RSPRY1: variants seen among roughly 807,000 people sequenced by gnomAD.
The protein encoded by RSPRY1 is ring finger and SPRY domain containing 1.
RSPRY1 carries 23 observed loss-of-function variants against 73.1 expected under a neutral mutation model. That is an observed-to-expected ratio of 0.31 (90% CI 0.23 to 0.45). The LOEUF is 0.45. RSPRY1 is among the 20% of genes least tolerant of loss of function. RSPRY1 has a pLI of 1.00. For synonymous variants in RSPRY1, 226 were observed against 251.4 expected, an observed-to-expected ratio of 0.90 and a Z score of 0.95; for missense variants, 448 against 698.7, an observed-to-expected ratio of 0.64 and a Z score of 4.05.
At chr16:57,187,072 G>T (rs1418899241) in intron 1 of RSPRY1, 1 of 152,262 alleles carries the variant, frequency 6.6e-6, no homozygotes, top group Non-Finnish European at 1.5e-5. Flanking sequence ...GGGGAGAGGG[G>T]ATTTCTGGGC....
At chr16:57,193,446 A>G (rs571732042) in intron 1 of RSPRY1, among the ~76,000 whole-genome samples, 6 of 151,286 alleles carry the variant, frequency 4.0e-5, no homozygotes, top group African/African-American at 1.5e-4. Flanking sequence ...CTATTTAAAC[A>G]CAATCTTCAG....
chr16:57,213,224 C>A, intron 5 of RSPRY1, 126 bp downstream of exon 5: 1 of 876,174 alleles, frequency 1.1e-6, no homozygotes, highest in Non-Finnish European at 1.6e-6. Context: ...TATTGAGAGA[C>A]ATAGACTAAC....
At position 57,230,773 on chromosome 16, in the gene RSPRY1, A is replaced by C. The variant is rs1043599438; in HGVS notation, c.1336A>C (p.Asn446His). The change falls in exon 12 of 15, where the codon AAC becomes CAC. Residue 446 changes from asparagine (N) to histidine (H), a missense_variant. Asn to His is a moderately conservative substitution (Grantham distance 68). Transcript: ENST00000394420. ...EKQMIFFLNG[N>H]QLPPEKQVFS... ...GCAAATGATCTTCTTTTTAAATGGC[A>C]ACCAGCTGCCTCCTGAAAAGCAAGT... 1 of 1,612,468 alleles carries C rather than the reference A, an allele frequency of 6.2e-7. No homozygotes were observed. The highest frequency in any genetic ancestry group is 1.3e-5 in the African/African-American group (1 of 75,042).
intron 8 of RSPRY1, among the ~76,000 whole-genome samples, chr16:57,217,474 A>C (rs1462605534): frequency 6.6e-6 from 1 of 152,136 alleles, no homozygotes; most frequent in East Asian, 1.9e-4. Flanking sequence ...CATCATGAGA[A>C]TTGTTCCTGA....
intron 14 of RSPRY1, among the ~76,000 whole-genome samples, chr16:57,236,264 T>C (rs1470753141): frequency 6.6e-6 from 1 of 152,240 alleles, no homozygotes; most frequent in African/African-American, 2.4e-5. Context: ...CTTTGAGCTC[T>C]CTGGTCCTGT....
At chr16:57,229,914 C>T (rs2075184304) in intron 11 of RSPRY1, among the ~76,000 whole-genome samples, 1 of 149,982 alleles carries the variant, frequency 6.7e-6, no homozygotes, top group African/African-American at 2.5e-5. Flanking sequence ...ACCATGTTGG[C>T]TGTGCTGGTC....
chr16:57,205,540 A>T lies in RSPRY1; in HGVS notation c.350+532A>T, dbSNP rs187550501. Among the ~76,000 whole-genome samples, 18 of 152,358 alleles carry T rather than the reference A, an allele frequency of 1.2e-4. No homozygotes were observed. In the East Asian group the frequency reaches 3.3e-3, roughly 28 times the overall value. ...AGCTTGTCAGTTGATACTGCAAGGCACACCTGTACCTGTTTTGTCTTTTCC... is the reference window on the plus strand; with the variant it reads ...AGCTTGTCAGTTGATACTGCAAGGCTCACCTGTACCTGTTTTGTCTTTTCC... On this transcript the variant is annotated intron_variant, in intron 2 of 14. Coordinates refer to ENST00000394420, the MANE Select transcript of RSPRY1 (RefSeq NM_133368.3).
intron 1 of RSPRY1, among the ~76,000 whole-genome samples, chr16:57,191,034 C>G (rs1017704008): frequency 6.6e-6 from 1 of 152,166 alleles, no homozygotes; most frequent in Admixed American, 6.5e-5. Context: ...ACATAGCTTT[C>G]TTGTTGCTTG....
At chr16:57,231,594 A>G (rs1224650502) in intron 13 of RSPRY1, among the ~76,000 whole-genome samples, 1 of 152,224 alleles carries the variant, frequency 6.6e-6, no homozygotes, top group African/African-American at 2.4e-5. Context: ...ATTGTTATTT[A>G]AAATGTTACC....
At chr16:57,229,444 C>T (rs1450439191) in intron 11 of RSPRY1, among the ~76,000 whole-genome samples, 2 of 151,876 alleles carry the variant, frequency 1.3e-5, no homozygotes, top group Admixed American at 1.3e-4. Context: ...ATGAGACCCC[C>T]CATCTCTATA....
chr16:57,209,676 T>C (rs1410626055), intron 4 of RSPRY1, among the ~76,000 whole-genome samples: 1 of 151,966 alleles, frequency 6.6e-6, no homozygotes, highest in Non-Finnish European at 1.5e-5. Context: ...CCTCTGTCTT[T>C]TTATTTATTT....
chr16:57,213,355 G>A (rs901844847), intron 5 of RSPRY1, among the ~76,000 whole-genome samples: 3 of 151,860 alleles, frequency 2.0e-5, no homozygotes, highest in African/African-American at 7.3e-5. Flanking sequence ...AAGGAGCGAG[G>A]AAAAGAAAAA....
chr16:57,220,535 A>T (rs1411391625), intron 8 of RSPRY1, 197 bp from the exon 9 acceptor site: 1 of 356,210 alleles, frequency 2.8e-6, no homozygotes, highest in Non-Finnish European at 5.2e-6. Flanking sequence ...TTTAGTTCTA[A>T]TAGTTTTTGG....
At chr16:57,202,396 A>C (rs1443494824) in intron 1 of RSPRY1, among the ~76,000 whole-genome samples, 2 of 152,148 alleles carry the variant, frequency 1.3e-5, no homozygotes, top group African/African-American at 4.8e-5. Flanking sequence ...AAACCAGCAT[A>C]ATTTATAAGA....
intron 3 of RSPRY1, among the ~76,000 whole-genome samples, chr16:57,208,401 T>TATATA (rs1491130630): frequency 7.4e-3 from 270 of 36,594 alleles, no homozygotes; most frequent in African/African-American, 0.031. Context: ...TATATATATA[T>TATATA]TTTTTTTTTT....
At chr16:57,203,089 T>G (rs2146236647) in intron 1 of RSPRY1, among the ~76,000 whole-genome samples, 1 of 152,072 alleles carries the variant, frequency 6.6e-6, no homozygotes, top group African/African-American at 2.4e-5. Context: ...GCAGATAGCC[T>G]GAGGTCAGGA....
chr16:57,203,463 C>G (rs2074664057), intron 1 of RSPRY1, among the ~76,000 whole-genome samples: 1 of 152,076 alleles, frequency 6.6e-6, no homozygotes, highest in Admixed American at 6.6e-5. Context: ...ATAGTCTATT[C>G]CTTATGTGGC....
At chr16:57,228,383 A>C (rs941750875) in intron 11 of RSPRY1, among the ~76,000 whole-genome samples, 4 of 152,028 alleles carry the variant, frequency 2.6e-5, no homozygotes, top group South Asian at 2.1e-4. Context: ...AGCCAACAGG[A>C]ACACTCATTT....
intron 1 of RSPRY1, among the ~76,000 whole-genome samples, chr16:57,202,959 A>T (rs185480739): frequency 6.8e-6 from 1 of 146,464 alleles, no homozygotes; most frequent in Non-Finnish European, 1.5e-5. Context: ...TTTTCCCTGT[A>T]GCAGTAATCA....
Sources: gnomAD v4.1 joint callset for allele counts (sites outside exome capture counted in the v4.1 genomes callset) on GRCh38, gnomAD v4.1.1 for gene constraint, MANE v1.5 for transcripts, NCBI Gene and HGNC (gene_info 2026-07-23, HGNC 2026-07-21) for gene names.